Variants in CACNA1C observed in about 807,000 individuals in gnomAD.
The protein encoded by CACNA1C is voltage-dependent L-type calcium channel subunit alpha-1C.
A neutral mutation model predicts 229.0 loss-of-function variants in CACNA1C; 30 were observed. The ratio of observed to expected loss-of-function variants is 0.13; its 90% CI spans 0.10 to 0.18. The LOEUF (loss-of-function observed/expected upper bound fraction) is 0.18. Ranked by LOEUF, CACNA1C falls within the 10% of genes least tolerant of loss-of-function variation. The probability of loss-of-function intolerance (pLI) is 1.00; values close to 1 mark genes in which losing one functional copy is unlikely to be tolerated. For synonymous variants in CACNA1C, 1,114 were observed against 1,132.5 expected, an observed-to-expected ratio of 0.98 and a Z score of 0.33; for missense variants, 1,658 against 2,845.0, an observed-to-expected ratio of 0.58 and a Z score of 9.49.
chr12:2,550,404 C>T (rs1035811863), intron 10 of CACNA1C: 12 of 592,316 alleles, frequency 2.0e-5, no homozygotes, highest in South Asian at 3.6e-5. Flanking sequence ...AAAGAGACAG[C>T]GAGGTTAGGG....
rs558699304 is a variant in CACNA1C at position 2,403,495 on chromosome 12, G to A, written c.478-45481G>A. On this transcript the variant is annotated intron_variant, in intron 3 of 46. Coordinates refer to ENST00000399655, the MANE Select transcript of CACNA1C (RefSeq NM_000719.7). This position sits in a 1 kb window ranked among gnomAD's most constrained non-coding sequence, Gnocchi z 4.1. ...ACCTCTCACCAGCTCTGCAAGGCCCGGAGCTGCCATCCCAAGGCTGCTTTT... is the reference window on the plus strand; with the variant it reads ...ACCTCTCACCAGCTCTGCAAGGCCCAGAGCTGCCATCCCAAGGCTGCTTTT... 5.3e-5 allele frequency among the ~76,000 whole-genome samples: 8 copies of A among 152,236 alleles called. No homozygotes were observed. In the South Asian group the frequency reaches 8.3e-4, roughly 16 times the overall value.
chr12:2,337,322 C>T (rs545214375), intron 3 of CACNA1C, among the ~76,000 whole-genome samples: 10 of 152,198 alleles, frequency 6.6e-5, no homozygotes, highest in Non-Finnish European at 1.3e-4. Flanking sequence ...CGTATGAACA[C>T]CCTCCTTTTC....
chr12:2,236,143 G>A (rs144230061), intron 3 of CACNA1C, among the ~76,000 whole-genome samples: 110 of 152,246 alleles, frequency 7.2e-4, no homozygotes, highest in African/African-American at 2.4e-3. Flanking sequence ...TTTCAGAGCC[G>A]GAGACCTCAC....
chr12:2,558,765 T>A (rs1455022727), intron 11 of CACNA1C, among the ~76,000 whole-genome samples: 1 of 152,196 alleles, frequency 6.6e-6, no homozygotes, highest in Non-Finnish European at 1.5e-5. Flanking sequence ...GACCCTGGTG[T>A]CTGACTTTTG....
Position 2,639,168 on chromosome 12 carries a change from G to T in CACNA1C, c.3912+4788G>T, listed in dbSNP as rs549432798. Among the ~76,000 whole-genome samples the T allele has an allele frequency of 8.5e-5, 13 of 152,308 alleles. No individual in the cohort carries two copies. The South Asian group carries it at 1.2e-3, about 15-fold the overall frequency. ...AGCCATGGGCCCCGGCCCTTCTCCT[G>T]CCAATGCATCACCTGGGTCTAAATC... On this transcript the variant is annotated intron_variant, in intron 30 of 46. Transcript: ENST00000399655. The surrounding 1 kb of genome is among the most constrained non-coding windows in gnomAD (Gnocchi z 4.2).
At chr12:2,454,432 C>T (rs1269033472) in intron 4 of CACNA1C, among the ~76,000 whole-genome samples, 2 of 152,194 alleles carry the variant, frequency 1.3e-5, no homozygotes, top group Admixed American at 1.3e-4. Flanking sequence ...ACGATCCCTT[C>T]GTCCCACCGC....
intron 3 of CACNA1C, among the ~76,000 whole-genome samples, chr12:2,158,754 AAAAAAT>A (rs1483989472): frequency 2.1e-4 from 32 of 152,310 alleles, no homozygotes; most frequent in African/African-American, 6.7e-4. Flanking sequence ...AACAAAAAGA[AAAAAAT>A]AAAACTTAGC....
At chr12:2,599,796 A>T (rs1040570987) in intron 21 of CACNA1C, among the ~76,000 whole-genome samples, 1 of 152,152 alleles carries the variant, frequency 6.6e-6, no homozygotes, top group African/African-American at 2.4e-5. Context: ...AACACCACAG[A>T]TGACTTTCAA....
rs2099768042 is a variant in CACNA1C, at chr12:2,504,792, C to T, written c.1114-50C>T. ...TCGGGAGCCGGGGACCGGCACTGGC[C>T]GTGCTCGGTTGCTGAGTGTGCCTCA... On this transcript the variant is annotated intron_variant, in intron 7 of 46. Transcript: ENST00000399655. This position sits in a 1 kb window ranked among gnomAD's most constrained non-coding sequence, Gnocchi z 6.8. 2.7e-6 allele frequency: 3 copies of T among 1,129,532 alleles called. No homozygotes were observed. The highest frequency in any genetic ancestry group is 1.3e-5 in the South Asian group (1 of 79,142). 70.0% of individuals were successfully genotyped at this position (1,129,532 alleles called of 1,614,324 possible).
At chr12:2,210,374 A>C (rs750773275) in intron 3 of CACNA1C, among the ~76,000 whole-genome samples, 5 of 152,376 alleles carry the variant, frequency 3.3e-5, no homozygotes, top group Middle Eastern at 6.8e-3. Context: ...AGTGCATGCC[A>C]TCAGTGGGAT....
Position 2,665,816 on chromosome 12 carries a change from A to G in CACNA1C, c.4526+108A>G. ...GCCAACACTGGGTGGATCAATTAGAAACACTGGATTGTATCACACCCTAGG... is the reference window on the plus strand; with the variant it reads ...GCCAACACTGGGTGGATCAATTAGAGACACTGGATTGTATCACACCCTAGG... On this transcript the variant is annotated intron_variant, in intron 36 of 46. Coordinates refer to ENST00000399655, the MANE Select transcript of CACNA1C (RefSeq NM_000719.7). The surrounding 1 kb of genome is among the most constrained non-coding windows in gnomAD (Gnocchi z 5.9). 1.8e-6 allele frequency: 2 copies of G among 1,108,662 alleles called. No individual in the cohort carries two copies. Among genetic ancestry groups the G allele is most frequent in the East Asian group, 5.4e-5 (2 of 36,866 alleles). The allele number at this position is 1,108,662 out of a possible 1,614,324, so 68.7% of individuals were successfully genotyped here. A position where few individuals can be genotyped will look rare whatever the true frequency, so the allele number is the denominator to read the frequency against.
At position 2,135,713 on chromosome 12, in the gene CACNA1C, TGTCA is replaced by T. The variant is rs1197450903; in HGVS notation, c.477+15285_477+15288del. Among the ~76,000 whole-genome samples the T allele has an allele frequency of 3.3e-4, 48 of 146,024 alleles. 5 individuals are homozygous for T. Among genetic ancestry groups the T allele is most frequent in the Non-Finnish European group, 6.7e-4 (45 of 67,142 alleles). On this transcript the variant is annotated intron_variant, in intron 3 of 46. Coordinates refer to ENST00000399655, the MANE Select transcript of CACNA1C (RefSeq NM_000719.7). The stretch of plus-strand genomic sequence containing the variant: ...GGAGAACCACTGCTCTCTTCAAAGC[TGTCA>T]GACAGGGACATTTAAGTCTGCAGAA...
At chr12:2,172,905 G>A (rs1322613146) in intron 3 of CACNA1C, among the ~76,000 whole-genome samples, 1 of 152,232 alleles carries the variant, frequency 6.6e-6, no homozygotes, top group East Asian at 1.9e-4. Flanking sequence ...CATGGGACCA[G>A]AAGTGGCAGT....
chr12:2,062,670 T>G (rs2057927906), intron 1 of CACNA1C, among the ~76,000 whole-genome samples: 2 of 152,228 alleles, frequency 1.3e-5, no homozygotes, highest in Admixed American at 6.5e-5. Context: ...TCCCAGGGTT[T>G]CTGCCAGGGC....
intron 5 of CACNA1C, among the ~76,000 whole-genome samples, chr12:2,458,477 A>C (rs1216352693): frequency 6.6e-6 from 1 of 152,190 alleles, no homozygotes; most frequent in Non-Finnish European, 1.5e-5. Flanking sequence ...AGCTCAGTCC[A>C]CTTTAGAACT....
Position 2,608,464 on chromosome 12 carries a change from G to C in CACNA1C, c.3357-47G>C, listed in dbSNP as rs767549181. 2 of 1,446,898 alleles carry C rather than the reference G, an allele frequency of 1.4e-6. No homozygotes were observed. Among genetic ancestry groups the C allele is most frequent in the East Asian group, 4.8e-5 (2 of 41,740 alleles). 89.6% of individuals were successfully genotyped at this position (1,446,898 alleles called of 1,614,324 possible). The stretch of plus-strand genomic sequence containing the variant: ...AGTGGTGCCGTCCTTCCGCAGAGGG[G>C]ACCCTGCTTCTCCAGTTCCCTCTGT... On this transcript the variant is annotated intron_variant, in intron 26 of 46. Transcript: ENST00000399655. The surrounding 1 kb of genome is among the most constrained non-coding windows in gnomAD (Gnocchi z 4.2).
intron 3 of CACNA1C, among the ~76,000 whole-genome samples, chr12:2,353,977 G>A (rs2097281872): frequency 6.6e-6 from 1 of 152,178 alleles, no homozygotes; most frequent in South Asian, 2.1e-4. Context: ...GTTTGGGTGT[G>A]ATTAATCTGG....
chr12:2,535,117 C>T (rs984850353), intron 9 of CACNA1C, among the ~76,000 whole-genome samples: 6 of 152,134 alleles, frequency 3.9e-5, no homozygotes, highest in Non-Finnish European at 7.3e-5. Context: ...GAGCCGGGCA[C>T]GGTGGCTCAC....
chr12:2,481,881 G>C (rs916226832), intron 5 of CACNA1C, among the ~76,000 whole-genome samples: 4 of 152,370 alleles, frequency 2.6e-5, no homozygotes, highest in African/African-American at 9.6e-5. Context: ...GGCTTGTCTA[G>C]GGCCCATTTT....
Sources: allele counts gnomAD v4.1 joint callset (sites outside exome capture counted in the v4.1 genomes callset), GRCh38; gene constraint gnomAD v4.1.1; non-coding constraint Gnocchi (gnomAD v3.1); transcripts MANE v1.5; gene names NCBI Gene and HGNC (gene_info 2026-07-23, HGNC 2026-07-21).